Variants in CCDC138 observed in about 807,000 individuals in gnomAD.
CCDC138 encodes coiled-coil domain-containing protein 138.
A neutral mutation model predicts 82.3 loss-of-function variants in CCDC138; 66 were observed. The ratio of observed to expected loss-of-function variants is 0.80; its 90% CI spans 0.66 to 0.98. The LOEUF (loss-of-function observed/expected upper bound fraction) is 0.98. Ranked by LOEUF, CCDC138 falls within the 50% of genes least tolerant of loss-of-function variation. The pLI is 0.00. For synonymous variants in CCDC138, 297 were observed against 265.4 expected (o/e 1.12, Z -1.16); for missense variants, 816 against 758.9 (o/e 1.08, Z -0.88).
At chr2:108,844,784 G>A (rs959186627) in intron 11 of CCDC138, among the ~76,000 whole-genome samples, 40 of 137,472 alleles carry the variant, frequency 2.9e-4, no homozygotes, top group Non-Finnish European at 4.6e-5. Context: ...GTCTTGCTCT[G>A]TCATCCAGGC....
At chr2:108,872,205 C>T (rs964955524) in intron 13 of CCDC138, among the ~76,000 whole-genome samples, 4 of 152,154 alleles carry the variant, frequency 2.6e-5, no homozygotes, top group African/African-American at 9.7e-5. Context: ...AGAGTCTGAT[C>T]ATTTTCTCTT....
chr2:108,841,561 T>G (rs781623854), intron 11 of CCDC138, among the ~76,000 whole-genome samples: 8 of 152,226 alleles, frequency 5.3e-5, no homozygotes, highest in Non-Finnish European at 1.2e-4. Context: ...TATAGAGACT[T>G]CTGGCTTCAT....
chr2:108,857,369 T>TATTGC (rs755237369), intron 13 of CCDC138, among the ~76,000 whole-genome samples: 40 of 152,108 alleles, frequency 2.6e-4, no homozygotes, highest in Non-Finnish European at 5.3e-4. Flanking sequence ...GCGCCCGGAC[T>TATTGC]ATTGCATTTT....
intron 13 of CCDC138, among the ~76,000 whole-genome samples, chr2:108,869,003 G>A (rs985556274): frequency 6.6e-6 from 1 of 152,132 alleles, no homozygotes; most frequent in Admixed American, 6.5e-5. Context: ...TACTTGGAGT[G>A]GGTTTTATTT....
intron 6 of CCDC138, among the ~76,000 whole-genome samples, chr2:108,800,271 T>G (rs1681676350): frequency 6.6e-6 from 1 of 152,148 alleles, no homozygotes; most frequent in South Asian, 2.1e-4. Context: ...TTTTTGTTGT[T>G]GTTGTTTTGT....
intron 11 of CCDC138, among the ~76,000 whole-genome samples, chr2:108,841,371 T>C (rs1180690503): frequency 6.6e-6 from 1 of 152,194 alleles, no homozygotes; most frequent in Non-Finnish European, 1.5e-5. Flanking sequence ...TTGAAGTCTC[T>C]GGCTATAATT....
At chr2:108,830,596 CAGG>C (rs1255718606) in intron 10 of CCDC138, among the ~76,000 whole-genome samples, 2 of 151,582 alleles carry the variant, frequency 1.3e-5, no homozygotes, top group Non-Finnish European at 2.9e-5. Flanking sequence ...CACCTGATGT[CAGG>C]AGTTCAAGTC....
intron 6 of CCDC138, among the ~76,000 whole-genome samples, chr2:108,799,630 G>A (rs1365137230): frequency 1.3e-5 from 2 of 152,132 alleles, no homozygotes; most frequent in African/African-American, 4.8e-5. Flanking sequence ...AGTTTGTTCT[G>A]TTTGTGGTTA....
intron 9 of CCDC138, among the ~76,000 whole-genome samples, chr2:108,815,461 G>GGTTT (rs1684599162): frequency 1.4e-5 from 1 of 70,700 alleles, no homozygotes; most frequent in Admixed American, 2.1e-4. Context: ...GGTTTTTGGT[G>GGTTT]TTTTTTTTTT....
chr2:108,876,377 A>T lies in CCDC138; in HGVS notation c.*124A>T. The T allele has an allele frequency of 1.8e-6, 1 of 565,178 alleles. No individual in the cohort carries two copies. The highest frequency in any genetic ancestry group is 2.9e-6 in the Non-Finnish European group (1 of 339,274). 35.0% of individuals were successfully genotyped at this position (565,178 alleles called of 1,614,324 possible). A position where few individuals can be genotyped will look rare whatever the true frequency, so the allele number is the denominator to read the frequency against. On this transcript the variant is annotated 3_prime_UTR_variant, in exon 15 of 15. Transcript: ENST00000295124. ...CATCATTTATCATGAAAAATAAATAATTTTTTTGAACTGTAAAAATGAAAT... is the reference window on the plus strand; with the variant it reads ...CATCATTTATCATGAAAAATAAATATTTTTTTTGAACTGTAAAAATGAAAT...
intron 10 of CCDC138, among the ~76,000 whole-genome samples, chr2:108,831,107 A>G (rs1199194203): frequency 9.9e-5 from 15 of 152,184 alleles, no homozygotes. Context: ...CCCCGGAGGC[A>G]GAAGTTTCAG....
At chr2:108,844,734 C>G (rs1216527768) in intron 11 of CCDC138, among the ~76,000 whole-genome samples, 3 of 151,244 alleles carry the variant, frequency 2.0e-5, no homozygotes, top group Non-Finnish European at 4.4e-5. Context: ...CAATTAAAGG[C>G]AAATACTATC....
chr2:108,807,609 T>C (rs1169721850), intron 7 of CCDC138, among the ~76,000 whole-genome samples: 1 of 152,124 alleles, frequency 6.6e-6, no homozygotes, highest in Non-Finnish European at 1.5e-5. Context: ...CTTATCTGGT[T>C]CTTCTTTTTG....
In CCDC138 at chr2:108,831,840, C is replaced by A. The variant is rs546616789; in HGVS notation, c.1207-7345C>A. Among the ~76,000 whole-genome samples, 6 of 152,178 alleles carry A rather than the reference C, an allele frequency of 3.9e-5. No homozygotes were observed. The South Asian group carries it at 1.0e-3, about 26-fold the overall frequency. ...TACTGCCTCCTGGGTTCAAGCGATT[C>A]TCCTGCCTCAGCCTCCCGAGTAGCT... On this transcript the variant is annotated intron_variant, in intron 10 of 14. Coordinates refer to ENST00000295124, the MANE Select transcript of CCDC138 (RefSeq NM_144978.3).
Position 108,815,461 on chromosome 2 carries a change from G to GTTTTT in CCDC138, c.1042-461_1042-457dup, listed in dbSNP as rs35206784. ...AATATTAGTTGGGGAGGTTTTTGGTGTTTTTTTTTTTTTTTTTTTTTTTGA... is the reference window on the plus strand; with the variant it reads ...AATATTAGTTGGGGAGGTTTTTGGTGTTTTTTTTTTTTTTTTTTTTTTTTTTTTGA... On this transcript the variant is annotated intron_variant, in intron 9 of 14. Coordinates refer to ENST00000295124, the MANE Select transcript of CCDC138 (RefSeq NM_144978.3). 2.1e-3 allele frequency among the ~76,000 whole-genome samples: 148 copies of GTTTTT among 70,742 alleles called. 2 individuals are homozygous for GTTTTT. The highest frequency in any genetic ancestry group is 3.8e-3 in the East Asian group (8 of 2,108). The allele number at this position is 70,742 out of a possible 152,430, so 46.4% of individuals were successfully genotyped here. A position where few individuals can be genotyped will look rare whatever the true frequency, so the allele number is the denominator to read the frequency against.
At chr2:108,797,445 A>T (rs1681089952) in intron 5 of CCDC138, among the ~76,000 whole-genome samples, 1 of 152,202 alleles carries the variant, frequency 6.6e-6, no homozygotes, top group South Asian at 2.1e-4. Context: ...TCAATAGAGG[A>T]ATATGGGCTG....
intron 12 of CCDC138, 100 bp from the exon 13 acceptor site, chr2:108,856,694 T>C: frequency 9.0e-7 from 1 of 1,109,394 alleles, no homozygotes; most frequent in Non-Finnish European, 1.3e-6. Context: ...TGTTTGTCTT[T>C]TGAGTTTGTT....
chr2:108,787,853 A>C (rs1267410081), intron 1 of CCDC138, 179 bp from the exon 2 acceptor site: 1 of 183,268 alleles, frequency 5.5e-6, no homozygotes, highest in Non-Finnish European at 1.0e-5. Context: ...TGTGGGGAGG[A>C]ACATGACGTT....
chr2:108,794,268 G>A (rs1489288314), intron 4 of CCDC138, among the ~76,000 whole-genome samples: 4 of 152,078 alleles, frequency 2.6e-5, no homozygotes, highest in East Asian at 1.9e-4. Context: ...TTGGCAATTA[G>A]TGTCTTTTTA....
Sources: gnomAD v4.1 joint callset for allele counts (sites outside exome capture counted in the v4.1 genomes callset) on GRCh38, gnomAD v4.1.1 for gene constraint, MANE v1.5 for transcripts, NCBI Gene and HGNC (gene_info 2026-07-23, HGNC 2026-07-21) for gene names.